Variants in ZCCHC7 observed in about 807,000 individuals in gnomAD.
ZCCHC7 encodes zinc finger CCHC domain-containing protein 7.
A neutral mutation model predicts 52.0 loss-of-function variants in ZCCHC7; 35 were observed. The ratio of observed to expected loss-of-function variants is 0.67; its 90% CI spans 0.51 to 0.89. The LOEUF (loss-of-function observed/expected upper bound fraction) is 0.89. Among genes scored for constraint, ZCCHC7 ranks in the 40% least tolerant of loss-of-function variants. The pLI, the probability that ZCCHC7 is intolerant of heterozygous loss-of-function variation, is 0.00. For missense variants in ZCCHC7, 574 were observed against 649.1 expected (o/e 0.88, Z 1.26); for synonymous variants, 217 against 221.5 (o/e 0.98, Z 0.18).
At chr9:37,140,645 A>G (rs1394096069) in intron 2 of ZCCHC7, among the ~76,000 whole-genome samples, 1 of 152,016 alleles carries the variant, frequency 6.6e-6, no homozygotes, top group East Asian at 1.9e-4. Context: ...GGGAGGTTTT[A>G]TTATCAGATC....
chr9:37,142,515 A>G (rs1017137514), intron 2 of ZCCHC7, among the ~76,000 whole-genome samples: 2 of 151,746 alleles, frequency 1.3e-5, no homozygotes, highest in African/African-American at 4.8e-5. Context: ...TATTTTTGCT[A>G]TTATTTTCTA....
intron 2 of ZCCHC7, among the ~76,000 whole-genome samples, chr9:37,133,522 C>A (rs1023387530): frequency 6.6e-6 from 1 of 151,682 alleles, no homozygotes; most frequent in Non-Finnish European, 1.5e-5. Flanking sequence ...AATGCAGGTA[C>A]CTGCCACCAT....
chr9:37,264,450 TTAAA>T (rs1202783452), intron 2 of ZCCHC7, among the ~76,000 whole-genome samples: 1 of 114,796 alleles, frequency 8.7e-6, no homozygotes, highest in African/African-American at 3.9e-5. Context: ...TGAAGATATT[TTAAA>T]TAGTCTTTTT....
intron 2 of ZCCHC7, among the ~76,000 whole-genome samples, chr9:37,287,177 G>A (rs1346835251): frequency 1.3e-5 from 2 of 148,578 alleles, no homozygotes; most frequent in African/African-American, 5.0e-5. Flanking sequence ...CTACAGGCAT[G>A]AGCCACCATG....
intron 2 of ZCCHC7, among the ~76,000 whole-genome samples, chr9:37,288,502 T>C (rs1267595063): frequency 1.3e-5 from 2 of 152,092 alleles, no homozygotes; most frequent in Non-Finnish European, 2.9e-5. Flanking sequence ...TTATGGTGAA[T>C]GAATATTTCT....
chr9:37,130,515 CAG>C (rs1158612634), intron 2 of ZCCHC7, among the ~76,000 whole-genome samples: 3 of 139,792 alleles, frequency 2.1e-5, no homozygotes, highest in Non-Finnish European at 3.1e-5. Context: ...TTTTTTGAGA[CAG>C]AGTCTCGCTC....
chr9:37,199,287 T>C (rs1280332843), intron 2 of ZCCHC7, among the ~76,000 whole-genome samples: 7 of 152,018 alleles, frequency 4.6e-5, no homozygotes, highest in Admixed American at 6.5e-5. Flanking sequence ...CTGTCATTCT[T>C]GGTTTCTACT....
chr9:37,202,796 T>C (rs951863543), intron 2 of ZCCHC7, among the ~76,000 whole-genome samples: 10 of 152,234 alleles, frequency 6.6e-5, no homozygotes, highest in African/African-American at 2.4e-4. Flanking sequence ...TAAACTACTT[T>C]AGAGTAGAAA....
intron 2 of ZCCHC7, among the ~76,000 whole-genome samples, chr9:37,167,259 CTT>C (rs1285714723): frequency 7.1e-6 from 1 of 140,782 alleles, no homozygotes; most frequent in Non-Finnish European, 1.6e-5. Flanking sequence ...TGTAGCTTTC[CTT>C]TTTTTTTTTT....
chr9:37,213,465 C>T (rs1824344662), intron 2 of ZCCHC7, among the ~76,000 whole-genome samples: 1 of 151,876 alleles, frequency 6.6e-6, no homozygotes, highest in African/African-American at 2.4e-5. Flanking sequence ...GCAACAGAAC[C>T]CTTGTTAGTT....
chr9:37,304,344 A>G, intron 4 of ZCCHC7, 31 bp downstream of exon 4: 3 of 1,607,412 alleles, frequency 1.9e-6, no homozygotes, highest in Non-Finnish European at 2.6e-6. Flanking sequence ...TTCTTTCCAC[A>G]TTTGTAAACT....
chr9:37,224,835 T>G (rs946794466), intron 2 of ZCCHC7, among the ~76,000 whole-genome samples: 1 of 152,160 alleles, frequency 6.6e-6, no homozygotes, highest in Non-Finnish European at 1.5e-5. Flanking sequence ...TCTGTGCATG[T>G]GTGACAAGAA....
intron 4 of ZCCHC7, 131 bp downstream of exon 4, chr9:37,304,444 GAGAT>G: frequency 9.4e-7 from 1 of 1,067,094 alleles, no homozygotes; most frequent in Non-Finnish European, 1.3e-6. Context: ...ATGAGGTCAG[GAGAT>G]TGAGACCATC....
At chr9:37,199,405 C>T (rs1325596629) in intron 2 of ZCCHC7, among the ~76,000 whole-genome samples, 12 of 148,548 alleles carry the variant, frequency 8.1e-5, no homozygotes, top group East Asian at 5.9e-4. Context: ...GATCTCAGCT[C>T]GCTGCAACCT....
chr9:37,327,713 C>T (rs148305042), intron 5 of ZCCHC7, 86 bp from the exon 6 acceptor site: 11 of 1,420,780 alleles, frequency 7.7e-6, no homozygotes, highest in Admixed American at 1.8e-5. Context: ...TGACCGACAC[C>T]GGTGGATGCT....
chr9:37,266,504 G>A (rs1271001030), intron 2 of ZCCHC7, among the ~76,000 whole-genome samples: 1 of 152,128 alleles, frequency 6.6e-6, no homozygotes, highest in African/African-American at 2.4e-5. Context: ...TATAAAAATA[G>A]AGCTTTACAC....
At chr9:37,273,419 C>G (rs987786807) in intron 2 of ZCCHC7, among the ~76,000 whole-genome samples, 6 of 152,140 alleles carry the variant, frequency 3.9e-5, no homozygotes, top group Admixed American at 1.3e-4. Flanking sequence ...AGGAGAATGG[C>G]GTGAACCTGG....
intron 2 of ZCCHC7, among the ~76,000 whole-genome samples, chr9:37,200,581 C>A (rs1823580229): frequency 6.6e-6 from 1 of 152,168 alleles, no homozygotes; most frequent in African/African-American, 2.4e-5. Context: ...GGCTGATGTG[C>A]AACTGTTGAG....
chr9:37,304,060 A>G, intron 3 of ZCCHC7, 128 bp from the exon 4 acceptor site: 1 of 841,666 alleles, frequency 1.2e-6, no homozygotes, highest in Non-Finnish European at 1.8e-6. Flanking sequence ...TGCTTTATCA[A>G]GGTAATGGAA....
Sources: allele counts gnomAD v4.1 joint callset (sites outside exome capture counted in the v4.1 genomes callset), GRCh38; gene constraint gnomAD v4.1.1; transcripts MANE v1.5; gene names NCBI Gene and HGNC (gene_info 2026-07-23, HGNC 2026-07-21).